Variants in CAPN7 observed in about 807,000 individuals in gnomAD.
CAPN7 encodes the protein calpain-7.
A neutral mutation model predicts 115.2 loss-of-function variants in CAPN7; 72 were observed. That is an observed-to-expected ratio of 0.63 (90% CI 0.52 to 0.76). CAPN7 has a LOEUF of 0.76. Among genes scored for constraint, CAPN7 ranks in the 30% least tolerant of loss-of-function variants. The pLI is 0.00. For missense variants in CAPN7, 905 were observed against 971.5 expected, an observed-to-expected ratio of 0.93 and a Z score of 0.91; for synonymous variants, 344 against 322.3, an observed-to-expected ratio of 1.07 and a Z score of -0.72.
chr3:15,229,855 C>G (rs370335092), intron 8 of CAPN7, among the ~76,000 whole-genome samples: 10 of 152,096 alleles, frequency 6.6e-5, no homozygotes, highest in East Asian at 3.9e-4. Flanking sequence ...AGCTTAAAAT[C>G]ATTCATTGCA....
chr3:15,210,787 T>C (rs936540515), intron 1 of CAPN7: 30 of 1,289,326 alleles, frequency 2.3e-5, no homozygotes, highest in Middle Eastern at 2.1e-4. Flanking sequence ...ACTGCACTTT[T>C]CTTAATTTTG....
intron 6 of CAPN7, among the ~76,000 whole-genome samples, chr3:15,226,905 A>G (rs11710285): frequency 0.069 from 10,536 of 151,984 alleles, 507 homozygotes; most frequent in Middle Eastern, 0.11. Context: ...TATACTTTCT[A>G]TTACTAGGAA....
At chr3:15,226,169 A>G (rs1375778659) in intron 6 of CAPN7, among the ~76,000 whole-genome samples, 1 of 152,072 alleles carries the variant, frequency 6.6e-6, no homozygotes, top group Non-Finnish European at 1.5e-5. Context: ...TCCGTCTCCC[A>G]GATTCAAGAG....
chr3:15,243,596 C>T (rs566193900), intron 16 of CAPN7, among the ~76,000 whole-genome samples: 1 of 152,184 alleles, frequency 6.6e-6, no homozygotes, highest in East Asian at 1.9e-4. Flanking sequence ...GAACAGAGGG[C>T]CTGATGAAAC....
At chr3:15,248,016 G>C (rs935358869) in intron 19 of CAPN7, among the ~76,000 whole-genome samples, 3 of 150,354 alleles carry the variant, frequency 2.0e-5, no homozygotes, top group African/African-American at 7.5e-5. Flanking sequence ...CACACTCTGG[G>C]GACTGTTGTG....
chr3:15,231,275 G>A (rs1694670605), intron 9 of CAPN7, among the ~76,000 whole-genome samples: 1 of 152,184 alleles, frequency 6.6e-6, no homozygotes, highest in Admixed American at 6.5e-5. Flanking sequence ...CTCACGCCCA[G>A]AGTTTCTGAT....
chr3:15,242,621 C>G (rs148412714), intron 16 of CAPN7, among the ~76,000 whole-genome samples: 24 of 152,234 alleles, frequency 1.6e-4, no homozygotes, highest in African/African-American at 5.1e-4. Context: ...CTTAATCTAC[C>G]TGCCCCCCTT....
Position 15,206,389 on chromosome 3 carries a change from C to T in CAPN7, c.-107C>T. Reference sequence around the variant, plus strand: ...CCGTCCAAAGTAAACTTTGCCGCTCCTTCCGCGGCGCTCCCGAGTCCTCGC... The same window carrying T: ...CCGTCCAAAGTAAACTTTGCCGCTCTTTCCGCGGCGCTCCCGAGTCCTCGC... On this transcript the variant is annotated 5_prime_UTR_variant, in exon 1 of 21. Transcript: ENST00000253693. The T allele has an allele frequency of 2.5e-6, 2 of 786,802 alleles. No individual in the cohort carries two copies. The highest frequency in any genetic ancestry group is 4.1e-6 in the Non-Finnish European group (2 of 489,424). The allele number at this position is 786,802 out of a possible 1,614,324, so 48.7% of individuals were successfully genotyped here.
intron 1 of CAPN7, among the ~76,000 whole-genome samples, chr3:15,209,722 A>T (rs2044828712): frequency 6.6e-6 from 1 of 152,246 alleles, no homozygotes; most frequent in South Asian, 2.1e-4. Flanking sequence ...CAACAGGTTA[A>T]AATAGTGCTA....
chr3:15,206,330 C>T lies in CAPN7; in HGVS notation c.-166C>T, dbSNP rs1222738402. 17 of 558,334 alleles carry T rather than the reference C, an allele frequency of 3.0e-5. No individual in the cohort carries two copies. Among genetic ancestry groups the T allele is most frequent in the Admixed American group, 6.9e-5 (2 of 29,008 alleles). 34.6% of individuals were successfully genotyped at this position (558,334 alleles called of 1,614,324 possible). On this transcript the variant is annotated 5_prime_UTR_variant, in exon 1 of 21. Transcript: ENST00000253693. ...GAGGGGCGCGGCTTCGCGGTGGACCCCAGCCCGGCAACGGGAAGGCGAGCT... is the reference window on the plus strand; with the variant it reads ...GAGGGGCGCGGCTTCGCGGTGGACCTCAGCCCGGCAACGGGAAGGCGAGCT...
intron 5 of CAPN7, among the ~76,000 whole-genome samples, chr3:15,221,964 AT>A (rs1170838743): frequency 2.0e-5 from 3 of 151,976 alleles, no homozygotes; most frequent in Admixed American, 6.6e-5. Context: ...AAAAAAAAAA[AT>A]ATGTGTGTAT....
intron 16 of CAPN7, 55 bp from the exon 17 acceptor site, chr3:15,245,471 T>TA: frequency 6.5e-7 from 1 of 1,545,242 alleles, no homozygotes; most frequent in Non-Finnish European, 8.8e-7. Context: ...ACATCAACCA[T>TA]AAAATTAAAG....
intron 8 of CAPN7, 74 bp downstream of exon 8, chr3:15,229,133 C>A: frequency 1.9e-6 from 2 of 1,080,452 alleles, no homozygotes; most frequent in Non-Finnish European, 2.8e-6. Context: ...TAAGCCTTAT[C>A]TGTATAGAAA....
At position 15,228,985 on chromosome 3, in the gene CAPN7, G is replaced by C; in HGVS notation, c.864G>C (p.Ser288=). The C allele has an allele frequency of 6.2e-7, 1 of 1,610,632 alleles. No individual in the cohort carries two copies. Among genetic ancestry groups the C allele is most frequent in the Non-Finnish European group, 8.5e-7 (1 of 1,177,524 alleles). The change falls in exon 8 of 21, where the codon TCG becomes TCC. Residue 288 remains serine, a synonymous_variant. Coordinates refer to ENST00000253693, the MANE Select transcript of CAPN7 (RefSeq NM_014296.3). ...SSFSIKQTIV[S]DCSFVASLAI... ...ATTCTTATTAACAGACAATAGTATC[G>C]GATTGCTCCTTTGTGGCATCACTGG...
intron 1 of CAPN7, among the ~76,000 whole-genome samples, chr3:15,211,726 C>T (rs1294922405): frequency 6.6e-6 from 1 of 151,958 alleles, no homozygotes; most frequent in Non-Finnish European, 1.5e-5. Context: ...AGAACCCAAT[C>T]TCTACTAAAA....
At chr3:15,234,457 TCA>T (rs1335182263) in intron 11 of CAPN7, among the ~76,000 whole-genome samples, 1 of 152,198 alleles carries the variant, frequency 6.6e-6, no homozygotes, top group Non-Finnish European at 1.5e-5. Context: ...TAGCCAGTCC[TCA>T]GTTATCTTCC....
chr3:15,214,603 C>T (rs1322182426), intron 2 of CAPN7, among the ~76,000 whole-genome samples: 5 of 152,116 alleles, frequency 3.3e-5, no homozygotes, highest in Admixed American at 3.3e-4. Flanking sequence ...CCTGTAGTCC[C>T]AGCTCCTCAG....
At chr3:15,210,613 T>C (rs1275133251) in intron 1 of CAPN7, among the ~76,000 whole-genome samples, 1 of 142,826 alleles carries the variant, frequency 7.0e-6, no homozygotes, top group South Asian at 2.4e-4. Flanking sequence ...TTTTTTTTTT[T>C]GGACAGTATC....
chr3:15,233,527 A>G (rs1022787322), intron 10 of CAPN7, among the ~76,000 whole-genome samples: 1 of 152,218 alleles, frequency 6.6e-6, no homozygotes, highest in Non-Finnish European at 1.5e-5. Flanking sequence ...ATGGGAATGT[A>G]TGTAAAACAT....
Sources: allele counts gnomAD v4.1 joint callset (sites outside exome capture counted in the v4.1 genomes callset), GRCh38; gene constraint gnomAD v4.1.1; transcripts MANE v1.5; gene names NCBI Gene and HGNC (gene_info 2026-07-23, HGNC 2026-07-21).